CST7: variants seen among roughly 807,000 people sequenced by gnomAD.
CST7 encodes cystatin-F.
In CST7, 15 loss-of-function variants were observed where a neutral mutation model predicts 13.1. That is an observed-to-expected ratio of 1.14 (90% CI 0.77 to 1.76). The LOEUF is 1.76. Ranked by LOEUF, CST7 falls within the 40% of genes most tolerant of loss-of-function variation. The pLI, the probability that CST7 is intolerant of heterozygous loss-of-function variation, is 0.00. For missense variants in CST7, 193 were observed against 178.8 expected (o/e 1.08, Z -0.45); for synonymous variants, 75 against 66.9 (o/e 1.12, Z -0.59).
rs2087865945 is a variant in CST7, at chr20:24,957,429, G to A, written c.213G>A (p.Lys71=). The A allele has an allele frequency of 3.7e-6, 6 of 1,613,794 alleles. No individual in the cohort carries two copies. Among genetic ancestry groups the A allele is most frequent in the Non-Finnish European group, 5.1e-6 (6 of 1,179,780 alleles). ...GCACGAACGACATGTTCTTGTTCAA[G>A]GAGTCCCGCATCACAAGGGCCCTAG... ...NNCTNDMFLF[K]ESRITRALVQ... The change falls in exon 2 of 4, where the codon AAG becomes AAA. Residue 71 remains lysine, a synonymous_variant. Transcript: ENST00000480798.
At chr20:24,955,676 C>T (rs2087849442) in intron 1 of CST7, among the ~76,000 whole-genome samples, 4 of 152,168 alleles carry the variant, frequency 2.6e-5, no homozygotes, top group African/African-American at 9.7e-5. Flanking sequence ...GCCTCGATCT[C>T]CTGACCTCGT....
rs980614478 is a variant in CST7, at chr20:24,949,416, C to A, written c.-90C>A. Reference sequence around the variant, plus strand: ...TACCCAAGAAGGCTCGGCACGGGCACCAACCACTGCCTCCAACTGCCCCAT... The same window carrying A: ...TACCCAAGAAGGCTCGGCACGGGCAACAACCACTGCCTCCAACTGCCCCAT... On this transcript the variant is annotated 5_prime_UTR_variant, in exon 1 of 4. Coordinates refer to ENST00000480798, the MANE Select transcript of CST7 (RefSeq NM_003650.4). 6.2e-6 allele frequency: 10 copies of A among 1,609,184 alleles called. No homozygotes were observed. In the Admixed American group the frequency reaches 1.7e-4, roughly 27 times the overall value.
chr20:24,954,747 G>T (rs971439027), intron 1 of CST7, among the ~76,000 whole-genome samples: 5 of 152,080 alleles, frequency 3.3e-5, no homozygotes. Flanking sequence ...AGGAACTAAC[G>T]TCATGAGCTT....
intron 2 of CST7, 35 bp from the exon 3 acceptor site, chr20:24,958,891 CCT>C (rs982367494): frequency 2.0e-6 from 3 of 1,496,524 alleles, no homozygotes; most frequent in African/African-American, 2.7e-5. Flanking sequence ...CCCTCCCTCC[CCT>C]GTGCCCAGTA....
intron 1 of CST7, among the ~76,000 whole-genome samples, chr20:24,951,203 C>T (rs1321582376): frequency 6.6e-6 from 1 of 152,218 alleles, no homozygotes. Context: ...CACGTTCACA[C>T]ACACAGAGCG....
intron 3 of CST7, among the ~76,000 whole-genome samples, chr20:24,959,245 G>A (rs1022554397): frequency 6.6e-6 from 1 of 152,188 alleles, no homozygotes. Context: ...CTCCTCAGAT[G>A]ACATCCTCCC....
intron 1 of CST7, among the ~76,000 whole-genome samples, chr20:24,952,110 G>A (rs950658102): frequency 6.6e-5 from 10 of 152,224 alleles, no homozygotes; most frequent in Admixed American, 3.9e-4. Flanking sequence ...CCCAATGGGG[G>A]CATTCATTTG....
At chr20:24,950,060 G>A (rs1353168066) in intron 1 of CST7, among the ~76,000 whole-genome samples, 1 of 152,198 alleles carries the variant, frequency 6.6e-6, no homozygotes, top group East Asian at 1.9e-4. Context: ...CAGCACTCAG[G>A]GGGAGGGGGG....
chr20:24,959,623 T>G lies in CST7; in HGVS notation c.361-12T>G. The stretch of plus-strand genomic sequence containing the variant: ...AAGTCTAAGCTCTCAGGTGTGCCCT[T>G]CTCTGTTTCAGACTCTGAGCTGCTA... On this transcript the variant is annotated splice_polypyrimidine_tract_variant and intron_variant, in intron 3 of 3. Coordinates refer to ENST00000480798, the MANE Select transcript of CST7 (RefSeq NM_003650.4). 2 of 1,614,012 alleles carry G rather than the reference T, an allele frequency of 1.2e-6. No individual in the cohort carries two copies. The highest frequency in any genetic ancestry group is 1.7e-6 in the Non-Finnish European group (2 of 1,179,890).
intron 2 of CST7, 54 bp downstream of exon 2, chr20:24,957,513 G>A: frequency 1.9e-6 from 3 of 1,545,580 alleles, no homozygotes; most frequent in Non-Finnish European, 2.7e-6. Flanking sequence ...AAGCCGAGCT[G>A]CTACAACGCG....
chr20:24,959,210 C>T (rs1015684366), intron 3 of CST7, among the ~76,000 whole-genome samples, 166 bp downstream of exon 3: 1 of 152,218 alleles, frequency 6.6e-6, no homozygotes, highest in Non-Finnish European at 1.5e-5. Flanking sequence ...TCCGGGAGAA[C>T]AGGAGGTAGA....
At chr20:24,957,097 G>GA (rs2087862622) in intron 1 of CST7, among the ~76,000 whole-genome samples, 190 bp from the exon 2 acceptor site, 1 of 17,686 alleles carries the variant, frequency 5.7e-5, no homozygotes, top group Non-Finnish European at 1.2e-4. Context: ...GGTTAGGGGT[G>GA]GGTAGGGTGG....
rs2087884602 is a variant in CST7 at position 24,959,802 on chromosome 20, C to T, written c.*90C>T. ...CCACCCGCCTCATGACCCAGCCTCA[C>T]AGACCCTCTCAGGCCTCTGACGAGT... On this transcript the variant is annotated 3_prime_UTR_variant, in exon 4 of 4. Transcript: ENST00000480798. 1 of 1,278,824 alleles carries T rather than the reference C, an allele frequency of 7.8e-7. No individual in the cohort carries two copies. Among genetic ancestry groups the T allele is most frequent in the Non-Finnish European group, 1.1e-6 (1 of 878,400 alleles). The allele number at this position is 1,278,824 out of a possible 1,614,324, so 79.2% of individuals were successfully genotyped here.
chr20:24,954,449 G>C (rs1465168172), intron 1 of CST7, among the ~76,000 whole-genome samples: 4 of 152,194 alleles, frequency 2.6e-5, no homozygotes, highest in Non-Finnish European at 1.5e-5. Context: ...CTCACCACCT[G>C]CTGGACTGCT....
At position 24,959,742 on chromosome 20, in the gene CST7, T is replaced by A. The variant is rs1452388303; in HGVS notation, c.*30T>A. 3.1e-6 allele frequency: 5 copies of A among 1,605,982 alleles called. No homozygotes were observed. The South Asian group carries it at 5.5e-5, about 18-fold the overall frequency. On this transcript the variant is annotated 3_prime_UTR_variant, in exon 4 of 4. Coordinates refer to ENST00000480798, the MANE Select transcript of CST7 (RefSeq NM_003650.4). ...CGCCTCTTCAGCAAGACCACAGCCA[T>A]GACAAACACCAGGATGCATGCTCCT... is the stretch of plus-strand genomic sequence containing the variant.
chr20:24,954,982 T>C (rs2087843773), intron 1 of CST7, among the ~76,000 whole-genome samples: 1 of 152,068 alleles, frequency 6.6e-6, no homozygotes, highest in Non-Finnish European at 1.5e-5. Context: ...AAAATGTAGT[T>C]TTTACAAAGA....
chr20:24,956,548 G>A (rs567444744), intron 1 of CST7, among the ~76,000 whole-genome samples: 1 of 152,134 alleles, frequency 6.6e-6, no homozygotes, highest in Non-Finnish European at 1.5e-5. Context: ...GGAAGGGCAG[G>A]CCTCCCCGAC....
intron 1 of CST7, among the ~76,000 whole-genome samples, chr20:24,954,539 A>G (rs1317774163): frequency 6.6e-6 from 1 of 152,226 alleles, no homozygotes; most frequent in African/African-American, 2.4e-5. Context: ...ATTTCTCTAA[A>G]CAAATCATCC....
chr20:24,949,388 A>G lies in CST7; in HGVS notation c.-118A>G, dbSNP rs1375318101. 3 of 1,591,970 alleles carry G rather than the reference A, an allele frequency of 1.9e-6. No individual in the cohort carries two copies. Among genetic ancestry groups the G allele is most frequent in the African/African-American group, 1.3e-5 (1 of 74,448 alleles). On this transcript the variant is annotated 5_prime_UTR_variant, in exon 1 of 4. Transcript: ENST00000480798. ...CCACTGCCCCCACCTGCCCTGCGCC[A>G]TCTACCCAAGAAGGCTCGGCACGGG...
Sources: allele counts gnomAD v4.1 joint callset (sites outside exome capture counted in the v4.1 genomes callset), GRCh38; gene constraint gnomAD v4.1.1; transcripts MANE v1.5; gene names NCBI Gene and HGNC (gene_info 2026-07-23, HGNC 2026-07-21).